AKAP7: variants seen among roughly 807,000 people sequenced by gnomAD.
The protein encoded by AKAP7 is A-kinase anchoring protein 7, also known as A kinase (PRKA) anchor protein 7.
Under a neutral mutation model 39.5 loss-of-function variants are expected in AKAP7, and 39 were observed. That is an observed-to-expected ratio of 0.99 (90% confidence interval 0.76 to 1.29). The LOEUF is 1.29. AKAP7 is among the 50% of genes most tolerant of loss of function. The probability of loss-of-function intolerance (pLI) is 0.00; values close to 1 mark genes in which losing one functional copy is unlikely to be tolerated. For missense variants in AKAP7, 414 were observed against 407.7 expected (o/e 1.02, Z -0.13); for synonymous variants, 140 against 139.1 (o/e 1.01, Z -0.05).
chr6:131,133,363 G>A (rs1435157825), upstream of AKAP7, among the ~76,000 whole-genome samples: 1 of 152,118 alleles, frequency 6.6e-6, no homozygotes, highest in Admixed American at 6.5e-5. Context: ...GCTGTTTCTC[G>A]CTAGTCCTTG....
intron 5 of AKAP7, among the ~76,000 whole-genome samples, chr6:131,198,912 T>C (rs1360289079): frequency 6.6e-6 from 1 of 152,240 alleles, no homozygotes; most frequent in Non-Finnish European, 1.5e-5. Context: ...TCTCAAGTAT[T>C]CTGTCCCTTT....
chr6:131,262,170 C>G (rs1284745765), intron 7 of AKAP7, among the ~76,000 whole-genome samples: 1 of 152,174 alleles, frequency 6.6e-6, no homozygotes, highest in Non-Finnish European at 1.5e-5. Flanking sequence ...CTAGAGCCAT[C>G]TGCTATTGGA....
At chr6:131,205,473 CTTG>C (rs1808006451) in intron 6 of AKAP7, among the ~76,000 whole-genome samples, 1 of 152,032 alleles carries the variant, frequency 6.6e-6, no homozygotes, top group Non-Finnish European at 1.5e-5. Context: ...CTGGTAGGCA[CTTG>C]TTGGCAGGTA....
chr6:131,174,509 C>G (rs1330072143), intron 5 of AKAP7, among the ~76,000 whole-genome samples: 1 of 152,252 alleles, frequency 6.6e-6, no homozygotes, highest in Non-Finnish European at 1.5e-5. Flanking sequence ...AGGAGGATCA[C>G]TTGAGCTCAG....
At chr6:131,217,355 GA>G (rs1809280463) in intron 6 of AKAP7, among the ~76,000 whole-genome samples, 1 of 152,048 alleles carries the variant, frequency 6.6e-6, no homozygotes, top group Non-Finnish European at 1.5e-5. Context: ...GCTGGATGGT[GA>G]GATCAATTCA....
intron 7 of AKAP7, among the ~76,000 whole-genome samples, chr6:131,277,515 T>TA (rs1256869773): frequency 6.6e-6 from 1 of 152,210 alleles, no homozygotes; most frequent in Non-Finnish European, 1.5e-5. Flanking sequence ...GACCTACAGT[T>TA]AAAATGAGTG....
At chr6:131,262,212 A>G (rs756799846) in intron 7 of AKAP7, among the ~76,000 whole-genome samples, 6 of 152,212 alleles carry the variant, frequency 3.9e-5, no homozygotes, top group Admixed American at 6.5e-5. Flanking sequence ...GATGAGAGTA[A>G]TGAACAAATA....
intron 5 of AKAP7, among the ~76,000 whole-genome samples, chr6:131,182,687 G>C (rs1226864739): frequency 6.6e-6 from 1 of 152,110 alleles, no homozygotes; most frequent in Non-Finnish European, 1.5e-5. Flanking sequence ...AAATCATATG[G>C]TAGTTTAATT....
Position 131,281,382 on chromosome 6 carries a change from C to A in AKAP7, c.851-148C>A. On this transcript the variant is annotated intron_variant, in intron 7 of 7. Coordinates refer to ENST00000431975, the MANE Select transcript of AKAP7 (RefSeq NM_016377.4). This position sits in a 1 kb window ranked among gnomAD's most constrained non-coding sequence, Gnocchi z 4.0. ...AGACAGGCTCCTGCTTCTGCAAATA[C>A]CAAATGAAAAGCCAACCCACTGTTC... is the stretch of plus-strand genomic sequence containing the variant. 1 of 568,396 alleles carries A rather than the reference C, an allele frequency of 1.8e-6. No individual in the cohort carries two copies. Among genetic ancestry groups the A allele is most frequent in the Non-Finnish European group, 2.9e-6 (1 of 346,238 alleles). The allele number at this position is 568,396 out of a possible 1,614,324, so 35.2% of individuals were successfully genotyped here.
In AKAP7 at chr6:131,135,667, C is replaced by T. The variant is rs944886572; in HGVS notation, c.-97C>T. 1.9e-6 allele frequency: 2 copies of T among 1,046,908 alleles called. No individual in the cohort carries two copies. Among genetic ancestry groups the T allele is most frequent in the African/African-American group, 3.4e-5 (2 of 58,526 alleles). 64.9% of individuals were successfully genotyped at this position (1,046,908 alleles called of 1,614,324 possible). On this transcript the variant is annotated 5_prime_UTR_variant, in exon 1 of 8. Transcript: ENST00000431975. ...CACCGCCCTCAGGCCCCGAGCCCCGCCCTGGCCTCCGCCTCGGCCTCGCCT... is the reference window on the plus strand; with the variant it reads ...CACCGCCCTCAGGCCCCGAGCCCCGTCCTGGCCTCCGCCTCGGCCTCGCCT...
chr6:131,191,240 T>G (rs568921400), intron 5 of AKAP7, among the ~76,000 whole-genome samples: 55 of 152,302 alleles, frequency 3.6e-4, no homozygotes, highest in African/African-American at 1.3e-3. Context: ...CCCATAAAAG[T>G]GACAGTTTTG....
intron 7 of AKAP7, among the ~76,000 whole-genome samples, chr6:131,263,276 C>G (rs931171126): frequency 6.6e-6 from 1 of 152,216 alleles, no homozygotes; most frequent in Non-Finnish European, 1.5e-5. Context: ...TTCTCAGCCT[C>G]TTAGGTTCCC....
chr6:131,235,238 T>C (rs1445175963), intron 7 of AKAP7, among the ~76,000 whole-genome samples: 3 of 152,240 alleles, frequency 2.0e-5, no homozygotes, highest in African/African-American at 2.4e-5. Flanking sequence ...GACATGAACT[T>C]ATCATTTTTT....
chr6:131,209,551 G>A (rs752360752), intron 6 of AKAP7, among the ~76,000 whole-genome samples: 14 of 152,066 alleles, frequency 9.2e-5, no homozygotes, highest in South Asian at 4.1e-4. Flanking sequence ...CACCCAGCCC[G>A]ATAAACTTCT....
At chr6:131,221,083 T>C (rs1332329033) in intron 7 of AKAP7, among the ~76,000 whole-genome samples, 2 of 152,224 alleles carry the variant, frequency 1.3e-5, no homozygotes, top group Non-Finnish European at 2.9e-5. Context: ...GCTAGGCTTC[T>C]TGTACCAGTT....
intron 7 of AKAP7, among the ~76,000 whole-genome samples, chr6:131,241,637 A>ATATGTGTGTGTG (rs1554217972): frequency 1.3e-5 from 1 of 78,784 alleles, no homozygotes; most frequent in African/African-American, 4.5e-5. Flanking sequence ...GTATATATAT[A>ATATGTGTGTGTG]TGACAGTTAT....
intron 7 of AKAP7, among the ~76,000 whole-genome samples, chr6:131,220,416 A>C (rs1809599173): frequency 6.6e-6 from 1 of 152,088 alleles, no homozygotes; most frequent in African/African-American, 2.4e-5. Flanking sequence ...ATAGAGCTAT[A>C]CTCCACTTTT....
Position 131,233,241 on chromosome 6 carries a change from TG to T in AKAP7, c.850+13434del, listed in dbSNP as rs1264900464. Among the ~76,000 whole-genome samples the T allele has an allele frequency of 2.0e-5, 3 of 152,072 alleles. No individual in the cohort carries two copies. The East Asian group carries it at 5.8e-4, about 29-fold the overall frequency. On this transcript the variant is annotated intron_variant, in intron 7 of 7. Coordinates refer to ENST00000431975, the MANE Select transcript of AKAP7 (RefSeq NM_016377.4). ...TGAAACATGGAGGAATTGGAGAGTATGTAGAATAGTAGAAAGAGACGGAGAA... is the reference window on the plus strand; with the variant it reads ...TGAAACATGGAGGAATTGGAGAGTATTAGAATAGTAGAAAGAGACGGAGAA...
intron 7 of AKAP7, among the ~76,000 whole-genome samples, chr6:131,280,485 A>G (rs957668209): frequency 2.0e-5 from 3 of 152,218 alleles, no homozygotes; most frequent in African/African-American, 7.2e-5. Context: ...TCCATCTTCC[A>G]GCTCACACCC....
Sources: allele counts gnomAD v4.1 joint callset (sites outside exome capture counted in the v4.1 genomes callset), GRCh38; gene constraint gnomAD v4.1.1; non-coding constraint Gnocchi (gnomAD v3.1); transcripts MANE v1.5; gene names NCBI Gene and HGNC (gene_info 2026-07-23, HGNC 2026-07-21).